KIF1B: variants seen among roughly 807,000 people sequenced by gnomAD.
KIF1B encodes kinesin family member 1B, also known as kinesin-like protein KIF1B.
A neutral mutation model predicts 241.9 loss-of-function variants in KIF1B; 76 were observed. That is an observed-to-expected ratio of 0.31 (90% confidence interval 0.26 to 0.38). KIF1B has a LOEUF of 0.38. KIF1B is among the 10% of genes least tolerant of loss of function. The pLI is 1.00. For synonymous variants in KIF1B, 750 were observed against 796.7 expected (o/e 0.94, Z 0.99); for missense variants, 1,622 against 2,271.4 (o/e 0.71, Z 5.81).
At chr1:10,360,409 GCA>G (rs1355843799) in intron 38 of KIF1B, among the ~76,000 whole-genome samples, 4 of 152,058 alleles carry the variant, frequency 2.6e-5, no homozygotes, top group African/African-American at 9.7e-5. Flanking sequence ...AACTGGCCAG[GCA>G]CAGTGGTTCA....
intron 45 of KIF1B, among the ~76,000 whole-genome samples, chr1:10,372,498 T>C (rs1238793452): frequency 6.6e-6 from 1 of 151,584 alleles, no homozygotes; most frequent in African/African-American, 2.4e-5. Context: ...GTTGCACCAT[T>C]GCACTCCAGC....
At position 10,297,258 on chromosome 1, in the gene KIF1B, G is replaced by T. The variant is rs746838721; in HGVS notation, c.2115+12G>T. The T allele has an allele frequency of 9.3e-6, 15 of 1,610,050 alleles. No homozygotes were observed. Among genetic ancestry groups the T allele is most frequent in the Non-Finnish European group, 1.3e-5 (15 of 1,177,588 alleles). On this transcript the variant is annotated intron_variant, in intron 22 of 48. Coordinates refer to ENST00000676179, the MANE Select transcript of KIF1B (RefSeq NM_001365951.3). ...AGCAGCAGAGACTGGTAGGAGTCCT[G>T]AATCTGCTAAACTGTTGGGAAAAGG...
intron 43 of KIF1B, among the ~76,000 whole-genome samples, chr1:10,367,236 C>T (rs1216121924): frequency 1.3e-5 from 2 of 151,362 alleles, no homozygotes; most frequent in African/African-American, 2.4e-5. Context: ...GCTTGGAGTA[C>T]AGGCATGTGC....
intron 44 of KIF1B, among the ~76,000 whole-genome samples, chr1:10,369,083 C>G (rs895491445): frequency 2.6e-5 from 4 of 152,152 alleles, no homozygotes; most frequent in Non-Finnish European, 4.4e-5. Flanking sequence ...TTTCATTTTT[C>G]TACTCCATTA....
At chr1:10,221,850 C>G (rs912241789) in intron 1 of KIF1B, among the ~76,000 whole-genome samples, 1 of 152,088 alleles carries the variant, frequency 6.6e-6, no homozygotes, top group African/African-American at 2.4e-5. Context: ...GTGTCTTGCT[C>G]TGTCGCCCAG....
chr1:10,325,693 A>G (rs933826975), intron 26 of KIF1B, among the ~76,000 whole-genome samples: 1 of 152,162 alleles, frequency 6.6e-6, no homozygotes, highest in Non-Finnish European at 1.5e-5. Context: ...GCCATATGCC[A>G]TTTCATCCAT....
intron 32 of KIF1B, among the ~76,000 whole-genome samples, chr1:10,340,617 G>A (rs1652357018): frequency 6.6e-6 from 1 of 152,170 alleles, no homozygotes; most frequent in South Asian, 2.1e-4. Flanking sequence ...GCCGAGGCAG[G>A]TGGATCACTT....
intron 22 of KIF1B, chr1:10,307,185 G>A (rs1167933660): frequency 7.8e-6 from 8 of 1,030,224 alleles, no homozygotes; most frequent in Middle Eastern, 4.6e-4. Context: ...GCATTTCTGA[G>A]CAAATGCTTA....
rs150623367 is a variant in KIF1B, at chr1:10,281,647, C to T, written c.1223-675C>T. Reference sequence around the variant, plus strand: ...CTCATTAATCTGCTAATTGTTCTTCCCTGTTGAGGCAATCAATTAGTCCTG... The same window carrying T: ...CTCATTAATCTGCTAATTGTTCTTCTCTGTTGAGGCAATCAATTAGTCCTG... On this transcript the variant is annotated intron_variant, in intron 14 of 48. Coordinates refer to ENST00000676179, the MANE Select transcript of KIF1B (RefSeq NM_001365951.3). Among the ~76,000 whole-genome samples the T allele has an allele frequency of 5.2e-3, 795 of 152,236 alleles. 6 individuals carry two copies. The highest frequency in any genetic ancestry group is 8.4e-3 in the Non-Finnish European group (572 of 68,020).
intron 22 of KIF1B, chr1:10,305,193 A>G: frequency 1.9e-6 from 2 of 1,047,344 alleles, no homozygotes; most frequent in Non-Finnish European, 2.3e-6. Flanking sequence ...CCAAAACTAA[A>G]GGTCTTCAAA....
chr1:10,319,332 C>T (rs1651431214), intron 22 of KIF1B, among the ~76,000 whole-genome samples: 1 of 152,146 alleles, frequency 6.6e-6, no homozygotes, highest in Non-Finnish European at 1.5e-5. Context: ...GAACTCCCGA[C>T]CTCAGGTGAT....
chr1:10,368,605 T>C, intron 44 of KIF1B, 67 bp downstream of exon 44: 2 of 1,385,008 alleles, frequency 1.4e-6, no homozygotes, highest in South Asian at 2.3e-5. Flanking sequence ...CAGCCCAGAT[T>C]ACCTATTCCT....
chr1:10,373,423 C>T (rs971554287), intron 45 of KIF1B, among the ~76,000 whole-genome samples: 4 of 150,026 alleles, frequency 2.7e-5, no homozygotes, highest in African/African-American at 4.9e-5. Context: ...TTAGTAGAGA[C>T]GGGGTTTCGC....
At chr1:10,363,218 A>T in intron 40 of KIF1B, 65 bp from the exon 41 acceptor site, 2 of 1,235,824 alleles carry the variant, frequency 1.6e-6, no homozygotes, top group South Asian at 2.4e-5. Context: ...TAAGTAGCAG[A>T]AATTGAAATT....
At chr1:10,266,709 A>G (rs1648482896) in intron 5 of KIF1B, among the ~76,000 whole-genome samples, 1 of 152,206 alleles carries the variant, frequency 6.6e-6, no homozygotes, top group Admixed American at 6.5e-5. Flanking sequence ...TGCAAATCCC[A>G]GTTACTGACA....
chr1:10,224,736 T>A (rs1336687840), intron 1 of KIF1B, among the ~76,000 whole-genome samples: 1 of 152,218 alleles, frequency 6.6e-6, no homozygotes, highest in Non-Finnish European at 1.5e-5. Flanking sequence ...AATTTATGTT[T>A]TTTATTTAAT....
At chr1:10,211,900 C>T (rs115634793) in intron 1 of KIF1B, among the ~76,000 whole-genome samples, 2 of 152,064 alleles carry the variant, frequency 1.3e-5, no homozygotes, top group Non-Finnish European at 2.9e-5. Flanking sequence ...ATGGAGGCCT[C>T]GAGTAGCCGT....
At chr1:10,331,861 T>G (rs958406267) in intron 27 of KIF1B, among the ~76,000 whole-genome samples, 15 of 152,246 alleles carry the variant, frequency 9.9e-5, no homozygotes, top group African/African-American at 3.6e-4. Flanking sequence ...CACCAGTTTT[T>G]ATTGCTTTTT....
chr1:10,261,292 CAG>C (rs1346983327), intron 4 of KIF1B, among the ~76,000 whole-genome samples: 3 of 132,110 alleles, frequency 2.3e-5, no homozygotes, highest in Non-Finnish European at 4.8e-5. Context: ...TTTTTTTAGA[CAG>C]AGTTTCACTC....
Sources: allele counts gnomAD v4.1 joint callset (sites outside exome capture counted in the v4.1 genomes callset), GRCh38; gene constraint gnomAD v4.1.1; transcripts MANE v1.5; gene names NCBI Gene and HGNC (gene_info 2026-07-23, HGNC 2026-07-21).